MYO16: variants seen among roughly 807,000 people sequenced by gnomAD.
MYO16 encodes unconventional myosin-XVI.
Under a neutral mutation model 205.3 loss-of-function variants are expected in MYO16, and 94 were observed. That is an observed-to-expected ratio of 0.46 (90% CI 0.39 to 0.54). The LOEUF is 0.54. Among genes scored for constraint, MYO16 ranks in the 20% least tolerant of loss-of-function variants. The pLI is 0.00. For synonymous variants in MYO16, 988 were observed against 954.0 expected, an observed-to-expected ratio of 1.04 and a Z score of -0.66; for missense variants, 2,315 against 2,387.5, an observed-to-expected ratio of 0.97 and a Z score of 0.63.
At chr13:108,756,109 A>C (rs1885414177) in intron 4 of MYO16, among the ~76,000 whole-genome samples, 1 of 151,970 alleles carries the variant, frequency 6.6e-6, no homozygotes, top group Non-Finnish European at 1.5e-5. Flanking sequence ...TGAAAATAAA[A>C]GGCTTGTATT....
intron 9 of MYO16, among the ~76,000 whole-genome samples, chr13:108,832,563 T>C (rs1422112945): frequency 6.6e-6 from 1 of 152,170 alleles, no homozygotes; most frequent in African/African-American, 2.4e-5. Context: ...CCCAGCATGA[T>C]GATGAATAAA....
the MYO16 span, among the ~76,000 whole-genome samples, chr13:108,546,995 G>A: frequency 6.6e-6 from 1 of 152,042 alleles, no homozygotes; most frequent in Non-Finnish European, 1.5e-5. Context: ...ACTCAGGGCC[G>A]GGTACGGTGG....
chr13:109,192,584 TCTGA>T (rs578150324), intron 34 of MYO16, among the ~76,000 whole-genome samples: 98 of 152,274 alleles, frequency 6.4e-4, no homozygotes, highest in African/African-American at 2.1e-3. Flanking sequence ...GGGGTAGTCA[TCTGA>T]CTGAAACTAG....
chr13:108,519,934 T>C, the MYO16 span, among the ~76,000 whole-genome samples: 1 of 152,190 alleles, frequency 6.6e-6, no homozygotes, highest in Non-Finnish European at 1.5e-5. Flanking sequence ...TAAAAAATTG[T>C]TTTAATATAC....
At chr13:108,699,561 C>T (rs961222837) in intron 2 of MYO16, among the ~76,000 whole-genome samples, 1 of 152,108 alleles carries the variant, frequency 6.6e-6, no homozygotes, top group African/African-American at 2.4e-5. Context: ...ACTTCTACAT[C>T]AAGAGCTAAG....
At chr13:108,674,829 A>G (rs908303409) in intron 2 of MYO16, among the ~76,000 whole-genome samples, 5 of 152,208 alleles carry the variant, frequency 3.3e-5, no homozygotes, top group Non-Finnish European at 7.3e-5. Flanking sequence ...AATGTCTCCT[A>G]TATTAGATAC....
intron 20 of MYO16, among the ~76,000 whole-genome samples, chr13:108,974,984 CTT>C: frequency 1.3e-5 from 2 of 152,288 alleles, no homozygotes; most frequent in East Asian, 3.9e-4. Flanking sequence ...CTTATGAAGA[CTT>C]TACCTAGCAT....
intron 16 of MYO16, among the ~76,000 whole-genome samples, chr13:108,928,383 G>A (rs1325559164): frequency 6.6e-6 from 1 of 152,156 alleles, no homozygotes; most frequent in East Asian, 1.9e-4. Flanking sequence ...GGGATCTACA[G>A]CAATGTTATA....
At chr13:109,012,316 C>T (rs2139490272) in intron 22 of MYO16, among the ~76,000 whole-genome samples, 1 of 152,228 alleles carries the variant, frequency 6.6e-6, no homozygotes, top group East Asian at 1.9e-4. Context: ...GGGAGCAAAG[C>T]TTCATCTGTA....
chr13:108,667,988 A>G (rs1379581421), intron 2 of MYO16, among the ~76,000 whole-genome samples: 2 of 152,194 alleles, frequency 1.3e-5, no homozygotes, highest in East Asian at 1.9e-4. Flanking sequence ...ATAATGAGCC[A>G]TGATGGTGAC....
upstream of MYO16, among the ~76,000 whole-genome samples, chr13:108,592,728 C>CTGTGTG (rs55845447): frequency 0.27 from 37,572 of 139,102 alleles, 5,228 homozygotes; most frequent in Admixed American, 0.31. Context: ...GTGAGGGTGG[C>CTGTGTG]TGTGTGTGTG....
At chr13:108,878,394 T>C (rs778224314) in intron 12 of MYO16, among the ~76,000 whole-genome samples, 2 of 152,100 alleles carry the variant, frequency 1.3e-5, no homozygotes, top group Non-Finnish European at 2.9e-5. Context: ...GGAGAGGAGA[T>C]AGGCCACTGG....
intron 21 of MYO16, among the ~76,000 whole-genome samples, chr13:109,002,925 G>A (rs1022576959): frequency 2.3e-4 from 35 of 152,240 alleles, no homozygotes; most frequent in African/African-American, 7.9e-4. Context: ...TGAGGTATCC[G>A]ATATTGAATG....
chr13:108,556,263 T>A, the MYO16 span, among the ~76,000 whole-genome samples: 1 of 152,078 alleles, frequency 6.6e-6, no homozygotes, highest in African/African-American at 2.4e-5. Flanking sequence ...CCACCAACAG[T>A]GTGCAAGACT....
At chr13:108,778,387 G>A (rs996429091) in intron 4 of MYO16, among the ~76,000 whole-genome samples, 1 of 152,216 alleles carries the variant, frequency 6.6e-6, no homozygotes, top group South Asian at 2.1e-4. Context: ...GGGAGGCCAA[G>A]GCAAGTGGAT....
chr13:108,921,231 G>T (rs1881733675), intron 16 of MYO16, among the ~76,000 whole-genome samples: 1 of 152,122 alleles, frequency 6.6e-6, no homozygotes, highest in Admixed American at 6.5e-5. Context: ...AAGCCACCTT[G>T]TCCACCGGGC....
chr13:108,546,872 T>C, the MYO16 span, among the ~76,000 whole-genome samples: 2 of 152,020 alleles, frequency 1.3e-5, no homozygotes, highest in Non-Finnish European at 2.9e-5. Context: ...GCAGAGAAAA[T>C]CATATGAGGT....
chr13:109,135,237 C>CAGTT (rs1434396054), intron 31 of MYO16, among the ~76,000 whole-genome samples: 9 of 152,282 alleles, frequency 5.9e-5, no homozygotes, highest in South Asian at 4.1e-4. Flanking sequence ...TGGTGGGTAG[C>CAGTT]AGTTGTGAAC....
intron 3 of MYO16, among the ~76,000 whole-genome samples, chr13:108,726,598 A>G (rs2139582253): frequency 6.6e-6 from 1 of 152,148 alleles, no homozygotes; most frequent in Non-Finnish European, 1.5e-5. Context: ...AAATACTCAT[A>G]AAAGGACTGG....
Sources: gnomAD v4.1 joint callset for allele counts (sites outside exome capture counted in the v4.1 genomes callset) on GRCh38, gnomAD v4.1.1 for gene constraint, MANE v1.5 for transcripts, NCBI Gene and HGNC (gene_info 2026-07-23, HGNC 2026-07-21) for gene names.